Variants in EFCAB6 observed in about 807,000 individuals in gnomAD.
The protein encoded by EFCAB6 is EF-hand calcium binding domain 6.
A neutral mutation model predicts 169.8 loss-of-function variants in EFCAB6; 156 were observed. The ratio of observed to expected loss-of-function variants is 0.92; its 90% confidence interval spans 0.81 to 1.05. The LOEUF (loss-of-function observed/expected upper bound fraction) is 1.05, where lower values mean the gene tolerates loss of function less well. Ranked by LOEUF, EFCAB6 falls within the 50% of genes least tolerant of loss-of-function variation. The probability of loss-of-function intolerance (pLI) is 0.00; values close to 1 mark genes in which losing one functional copy is unlikely to be tolerated. For synonymous variants in EFCAB6, 698 were observed against 676.4 expected (o/e 1.03, Z -0.50); for missense variants, 1,800 against 1,829.1 (o/e 0.98, Z 0.29).
intron 11 of EFCAB6, among the ~76,000 whole-genome samples, chr22:43,684,274 C>A (rs2058109008): frequency 1.3e-5 from 2 of 152,208 alleles, no homozygotes; most frequent in South Asian, 4.1e-4. Flanking sequence ...CTATTTAGAA[C>A]TGCAAGGACA....
intron 27 of EFCAB6, among the ~76,000 whole-genome samples, chr22:43,540,794 T>G (rs2047670918): frequency 6.6e-6 from 1 of 152,096 alleles, no homozygotes; most frequent in Admixed American, 6.5e-5. Context: ...GCTCACCAGG[T>G]GACGCAGCCC....
chr22:43,586,366 T>G (rs1357318726), intron 24 of EFCAB6, among the ~76,000 whole-genome samples: 1 of 125,368 alleles, frequency 8.0e-6, no homozygotes, highest in African/African-American at 3.1e-5. Context: ...TTTTTTTTTT[T>G]GTGACGTGGT....
rs374462022 is a variant in EFCAB6, at chr22:43,731,726, T to A, written c.730A>T (p.Asn244Tyr). 8.1e-6 allele frequency: 13 copies of A among 1,599,734 alleles called. No homozygotes were observed. The highest frequency in any genetic ancestry group is 1.0e-5 in the Non-Finnish European group (12 of 1,174,766). The change falls in exon 8 of 32, where the codon AAC becomes TAC. Residue 244 changes from asparagine (N) to tyrosine (Y), a missense_variant. Transcript: ENST00000262726. The part of the protein sequence containing the change: ...LKNLSINNDL[N>Y]LRYCMGNQEV... ...TGATTTCCCATACAATATCTAAGGT[T>A]CAAGTCGTTATTTATGCTGAGATTC...
intron 8 of EFCAB6, among the ~76,000 whole-genome samples, chr22:43,728,173 T>C (rs966188574): frequency 6.6e-6 from 1 of 152,178 alleles, no homozygotes; most frequent in Non-Finnish European, 1.5e-5. Flanking sequence ...TTTGGTTTTC[T>C]GTTCCTGTGT....
chr22:43,763,968 G>A (rs2061246314), intron 5 of EFCAB6, among the ~76,000 whole-genome samples: 1 of 151,982 alleles, frequency 6.6e-6, no homozygotes, highest in Non-Finnish European at 1.5e-5. Flanking sequence ...TCACTATATC[G>A]TCCAGGCTGG....
chr22:43,739,428 A>G (rs1420549472), intron 6 of EFCAB6, among the ~76,000 whole-genome samples: 1 of 151,850 alleles, frequency 6.6e-6, no homozygotes, highest in Non-Finnish European at 1.5e-5. Flanking sequence ...GGAGCATTTT[A>G]GGACTCAGTC....
At position 43,705,436 on chromosome 22, in the gene EFCAB6, C is replaced by T. The variant is rs145607442; in HGVS notation, c.1031+6039G>A. 4.3e-3 allele frequency among the ~76,000 whole-genome samples: 650 copies of T among 152,134 alleles called. 2 individuals carry two copies. Among genetic ancestry groups the T allele is most frequent in the Middle Eastern group, 0.027 (8 of 294 alleles). On this transcript the variant is annotated intron_variant, in intron 10 of 31. Coordinates refer to ENST00000262726, the MANE Select transcript of EFCAB6 (RefSeq NM_022785.4). ...CAACAGAATATACATTCATCTCAAGCGCAAATGGAACATTCTCCAAATAGA... is the reference window on the plus strand; with the variant it reads ...CAACAGAATATACATTCATCTCAAGTGCAAATGGAACATTCTCCAAATAGA...
intron 7 of EFCAB6, among the ~76,000 whole-genome samples, chr22:43,733,154 C>G (rs2060014079): frequency 6.6e-6 from 1 of 152,094 alleles, no homozygotes; most frequent in South Asian, 2.1e-4. Context: ...AACAGTGAAA[C>G]TCCCTAAAGA....
At chr22:43,701,941 C>A (rs1035397300) in intron 10 of EFCAB6, among the ~76,000 whole-genome samples, 1 of 151,956 alleles carries the variant, frequency 6.6e-6, no homozygotes, top group Non-Finnish European at 1.5e-5. Context: ...AAAAGGGTTA[C>A]CTTTTAATAA....
At chr22:43,784,565 ATATG>A (rs1233947427) in intron 2 of EFCAB6, among the ~76,000 whole-genome samples, 2 of 79,454 alleles carry the variant, frequency 2.5e-5, no homozygotes, top group Admixed American at 1.5e-4. Context: ...ATACACATAT[ATATG>A]TGTACATATA....
intron 26 of EFCAB6, among the ~76,000 whole-genome samples, chr22:43,574,276 C>T (rs5764485): frequency 0.78 from 118,133 of 151,952 alleles, 46,328 homozygotes; most frequent in African/African-American, 0.87. Context: ...TGAATATATA[C>T]ACACTGTCAT....
intron 10 of EFCAB6, among the ~76,000 whole-genome samples, chr22:43,690,310 T>C (rs1158789133): frequency 8.1e-6 from 1 of 122,946 alleles, no homozygotes; most frequent in Non-Finnish European, 1.6e-5. Context: ...CCATCCTGGC[T>C]AATAGGGTGA....
intron 26 of EFCAB6, among the ~76,000 whole-genome samples, chr22:43,568,730 G>A (rs560812679): frequency 6.6e-6 from 1 of 152,144 alleles, no homozygotes; most frequent in African/African-American, 2.4e-5. Context: ...GCTGCATAGG[G>A]CTGGGGCACA....
At chr22:43,646,385 G>A (rs1182835610) in intron 17 of EFCAB6, among the ~76,000 whole-genome samples, 1 of 152,190 alleles carries the variant, frequency 6.6e-6, no homozygotes, top group Non-Finnish European at 1.5e-5. Flanking sequence ...TGAATAAAAT[G>A]ATTTTAAAGT....
At chr22:43,596,876 T>C (rs1300608744) in intron 23 of EFCAB6, among the ~76,000 whole-genome samples, 1 of 152,162 alleles carries the variant, frequency 6.6e-6, no homozygotes, top group Non-Finnish European at 1.5e-5. Context: ...TTTACTAAAA[T>C]AGCATTGTAC....
intron 10 of EFCAB6, among the ~76,000 whole-genome samples, chr22:43,702,787 A>G (rs2058814441): frequency 6.6e-6 from 1 of 152,210 alleles, no homozygotes; most frequent in South Asian, 2.1e-4. Context: ...TAACTCCCAG[A>G]AATAAAAAGA....
At chr22:43,599,719 A>T (rs1260055531) in intron 23 of EFCAB6, among the ~76,000 whole-genome samples, 1 of 152,044 alleles carries the variant, frequency 6.6e-6, no homozygotes, top group Non-Finnish European at 1.5e-5. Context: ...GGTGCTAGAC[A>T]CCAGGTAAAG....
chr22:43,770,058 T>C (rs2061423853), intron 4 of EFCAB6, among the ~76,000 whole-genome samples: 1 of 152,126 alleles, frequency 6.6e-6, no homozygotes, highest in Admixed American at 6.5e-5. Flanking sequence ...GGTTTCTCCA[T>C]GTTGGTCAGG....
chr22:43,730,137 G>T (rs1304190117), intron 8 of EFCAB6, among the ~76,000 whole-genome samples: 1 of 146,190 alleles, frequency 6.8e-6, no homozygotes, highest in African/African-American at 2.6e-5. Context: ...AGCTATGATC[G>T]TGTCACTGCA....
Sources: allele counts gnomAD v4.1 joint callset (sites outside exome capture counted in the v4.1 genomes callset), GRCh38; gene constraint gnomAD v4.1.1; transcripts MANE v1.5; gene names NCBI Gene and HGNC (gene_info 2026-07-23, HGNC 2026-07-21).